The following DELE1 variants were observed in gnomAD, a reference collection of about 807,000 sequenced individuals.
DELE1 encodes DAP3 binding cell death enhancer 1.
Under a neutral mutation model 59.3 loss-of-function variants are expected in DELE1, and 54 were observed. The observed-to-expected ratio is 0.91, with a 90% CI of 0.73 to 1.14. The LOEUF is 1.14. Ranked by LOEUF, DELE1 falls within the 50% of genes most tolerant of loss-of-function variation. DELE1 has a pLI of 0.00. For missense variants in DELE1, 636 were observed against 643.9 expected (o/e 0.99, Z 0.13); for synonymous variants, 264 against 259.1 (o/e 1.02, Z -0.18).
Position 141,934,604 on chromosome 5 carries a change from A to G in DELE1, c.1149+18A>G. 6.2e-7 allele frequency: 1 copy of G among 1,609,346 alleles called. No individual in the cohort carries two copies. The highest frequency in any genetic ancestry group is 8.5e-7 in the Non-Finnish European group (1 of 1,175,628). ...ACAATGGGGTATGCGATCTCAGTGG[A>G]CAAGCATGTTGGGGATGAAGCCTGA... On this transcript the variant is annotated intron_variant, in intron 10 of 11. Transcript: ENST00000432126.
chr5:141,932,500 G>A (rs2126883461), intron 7 of DELE1, among the ~76,000 whole-genome samples: 1 of 152,332 alleles, frequency 6.6e-6, no homozygotes, highest in South Asian at 2.1e-4. Context: ...GAAAGGACAG[G>A]AATCAGGGAA....
At chr5:141,924,484 T>C (rs1165478662) in intron 1 of DELE1, 97 bp from the exon 2 acceptor site, 1 of 747,118 alleles carries the variant, frequency 1.3e-6, no homozygotes, top group East Asian at 2.5e-5. Context: ...GATAAAAGAT[T>C]CCCATGTGTA....
At chr5:141,926,886 A>G (rs984213021) in intron 3 of DELE1, among the ~76,000 whole-genome samples, 6 of 152,228 alleles carry the variant, frequency 3.9e-5, no homozygotes, top group African/African-American at 1.2e-4. Flanking sequence ...ACTACTGCTC[A>G]TATGAAAGGG....
Position 141,937,278 on chromosome 5 carries a change from A to T in DELE1, c.1230A>T (p.Arg410Ser), listed in dbSNP as rs748867151. ...GVQRNLGEALRCYQQSAALGN... is the reference protein window; with the variant it reads ...GVQRNLGEALSCYQQSAALGN... ...AGAGGAATCTGGGAGAGGCCTTGAG[A>T]TGTTACCAGCAGTCAGCCGCTCTGG... Residue 410 changes from arginine to serine, a missense_variant, in exon 11 of 12, where the codon AGA becomes AGT. Transcript: ENST00000432126. The T allele has an allele frequency of 5.9e-5, 96 of 1,614,084 alleles. 3 individuals are homozygous for T. The South Asian group carries it at 1.1e-3, about 18-fold the overall frequency.
rs1305562198 is a variant in DELE1, at chr5:141,939,463, C to T, written c.*704C>T. ...CCCACCATTCACCTCTGTTCATCCC[C>T]CGTGGGCTCATAATCGTTTTCATTT... On this transcript the variant is annotated 3_prime_UTR_variant, in exon 12 of 12. Coordinates refer to ENST00000432126, the MANE Select transcript of DELE1 (RefSeq NM_014773.5). The T allele has an allele frequency of 3.0e-6, 3 of 985,752 alleles. No individual in the cohort carries two copies. The Admixed American group carries it at 1.8e-4, about 61-fold the overall frequency. The allele number at this position is 985,752 out of a possible 1,614,324, so 61.1% of individuals were successfully genotyped here. A position where few individuals can be genotyped will look rare whatever the true frequency, so the allele number is the denominator to read the frequency against.
chr5:141,939,931 T>G lies in DELE1; in HGVS notation c.*1172T>G, dbSNP rs1032949421. On this transcript the variant is annotated 3_prime_UTR_variant, in exon 12 of 12. Coordinates refer to ENST00000432126, the MANE Select transcript of DELE1 (RefSeq NM_014773.5). ...GACTTTATGAGTCGCTGGGCCAGGG[T>G]GAGGACCTGGGCCTCCTGACTCCTG... The G allele has an allele frequency of 2.3e-6, 2 of 851,508 alleles. No homozygotes were observed. Among genetic ancestry groups the G allele is most frequent in the Non-Finnish European group, 2.8e-6 (2 of 708,230 alleles). The allele number at this position is 851,508 out of a possible 1,614,324, so 52.7% of individuals were successfully genotyped here.
rs1214670828 is a variant in DELE1 at position 141,939,148 on chromosome 5, G to A, written c.*389G>A. The A allele has an allele frequency of 8.1e-6, 8 of 990,480 alleles. No homozygotes were observed. The highest frequency in any genetic ancestry group is 5.6e-5 in the Admixed American group (1 of 17,934). The allele number at this position is 990,480 out of a possible 1,614,324, so 61.4% of individuals were successfully genotyped here. A position where few individuals can be genotyped will look rare whatever the true frequency, so the allele number is the denominator to read the frequency against. ...GTACTACTGTTTGCCAATGTCTGAT[G>A]TGTGTATCCCTGGTTCACAAGAAGA... On this transcript the variant is annotated 3_prime_UTR_variant, in exon 12 of 12. Coordinates refer to ENST00000432126, the MANE Select transcript of DELE1 (RefSeq NM_014773.5).
chr5:141,924,478 A>G, intron 1 of DELE1, 103 bp from the exon 2 acceptor site: 1 of 734,682 alleles, frequency 1.4e-6, no homozygotes, highest in Non-Finnish European at 2.5e-6. Context: ...GTAGTAGATA[A>G]AAGATTCCCA....
Position 141,933,334 on chromosome 5 carries a change from G to C in DELE1, c.830G>C (p.Ser277Thr). 6.4e-7 allele frequency: 1 copy of C among 1,566,348 alleles called. No individual in the cohort carries two copies. Among genetic ancestry groups the C allele is most frequent in the Non-Finnish European group, 8.7e-7 (1 of 1,146,350 alleles). Residue 277 changes from serine (S) to threonine (T), a missense_variant, in exon 8 of 12, where the codon AGC becomes ACC. Coordinates refer to ENST00000432126, the MANE Select transcript of DELE1 (RefSeq NM_014773.5). ...YFQKAAARGY[S>T]KAQYNAGLCH... ...CAGAAAGCTGCAGCCCGCGGCTACA[G>C]CAAAGCGCAGTACAATGCGGGCTTG... is the stretch of plus-strand genomic sequence containing the variant.
At chr5:141,928,931 T>C (rs73792053) in intron 4 of DELE1, among the ~76,000 whole-genome samples, 12,563 of 151,592 alleles carry the variant, frequency 0.083, 1,974 homozygotes, top group African/African-American at 0.29. Context: ...CATTAGTTCT[T>C]GTCCTTATTA....
Position 141,939,746 on chromosome 5 carries a change from T to A in DELE1, c.*987T>A. On this transcript the variant is annotated 3_prime_UTR_variant, in exon 12 of 12. Transcript: ENST00000432126. ...TGCCACTTGCCTGGCCATGTCACCT[T>A]GAAGCTGTGACCTGACTCCCTATAT... 1 of 954,762 alleles carries A rather than the reference T, an allele frequency of 1.0e-6. No homozygotes were observed. Among genetic ancestry groups the A allele is most frequent in the Non-Finnish European group, 1.2e-6 (1 of 801,862 alleles). The allele number at this position is 954,762 out of a possible 1,614,324, so 59.1% of individuals were successfully genotyped here. A position where few individuals can be genotyped will look rare whatever the true frequency, so the allele number is the denominator to read the frequency against.
At position 141,933,309 on chromosome 5, in the gene DELE1, C is replaced by T; in HGVS notation, c.805C>T (p.Gln269Ter). The change falls in exon 8 of 12, where the codon CAG becomes TAG. Residue 269 changes from glutamine (Q) to a stop codon, truncating the protein, a stop_gained. Transcript: ENST00000432126. LOFTEE classifies it high-confidence loss of function. ...GDHTAAFSYF[Q>*]KAAARGYSKA... is the part of the protein sequence containing the mutation. Reference sequence around the variant, plus strand: ...CCACACGGCAGCCTTTTCTTACTTCCAGAAAGCTGCAGCCCGCGGCTACAG... The same window carrying T: ...CCACACGGCAGCCTTTTCTTACTTCTAGAAAGCTGCAGCCCGCGGCTACAG... 1.3e-6 allele frequency: 2 copies of T among 1,569,448 alleles called. No individual in the cohort carries two copies. The highest frequency in any genetic ancestry group is 1.7e-6 in the Non-Finnish European group (2 of 1,148,062).
At chr5:141,924,724 T>C in intron 2 of DELE1, 29 bp downstream of exon 2, 1 of 1,366,914 alleles carries the variant, frequency 7.3e-7, no homozygotes, top group Admixed American at 1.7e-5. Flanking sequence ...ACCACTCATT[T>C]CCTCCCCTAG....
intron 11 of DELE1, among the ~76,000 whole-genome samples, 179 bp downstream of exon 11, chr5:141,937,536 C>T (rs905346100): frequency 2.0e-5 from 3 of 151,754 alleles, no homozygotes; most frequent in African/African-American, 7.3e-5. Context: ...TTTGGGAGGC[C>T]GAGACTGGCA....
Position 141,941,274 on chromosome 5 carries a change from A to G in DELE1, c.*2515A>G. 1.0e-6 allele frequency: 1 copy of G among 985,524 alleles called. No homozygotes were observed. Among genetic ancestry groups the G allele is most frequent in the South Asian group, 4.7e-5 (1 of 21,294 alleles). The allele number at this position is 985,524 out of a possible 1,614,324, so 61.0% of individuals were successfully genotyped here. ...CCCTGAGTGGCTCTCCCTCCCACTC[A>G]GTCACTACTGAGCTAAGTACTGATT... is the stretch of plus-strand genomic sequence containing the variant. On this transcript the variant is annotated 3_prime_UTR_variant, in exon 12 of 12. Transcript: ENST00000432126.
At chr5:141,926,167 C>G (rs910945341) in intron 3 of DELE1, among the ~76,000 whole-genome samples, 1 of 152,144 alleles carries the variant, frequency 6.6e-6, no homozygotes, top group Non-Finnish European at 1.5e-5. Flanking sequence ...TGTGAGCCAC[C>G]GCGCCCGGCC....
At chr5:141,936,406 G>A (rs1249828581) in intron 10 of DELE1, among the ~76,000 whole-genome samples, 1 of 152,122 alleles carries the variant, frequency 6.6e-6, no homozygotes, top group African/African-American at 2.4e-5. Flanking sequence ...ATCCAGAGCT[G>A]GGGCAAAGAG....
At position 141,940,012 on chromosome 5, in the gene DELE1, C is replaced by A. The variant is rs1364621196; in HGVS notation, c.*1253C>A. 1.2e-5 allele frequency: 12 copies of A among 985,260 alleles called. No individual in the cohort carries two copies. The highest frequency in any genetic ancestry group is 1.4e-5 in the Non-Finnish European group (12 of 829,856). The allele number at this position is 985,260 out of a possible 1,614,324, so 61.0% of individuals were successfully genotyped here. Reference sequence around the variant, plus strand: ...GCAATTTTATGTGAAAGCATTATGACTGTCCTACCCATGGGAGAGTAAATG... The same window carrying A: ...GCAATTTTATGTGAAAGCATTATGAATGTCCTACCCATGGGAGAGTAAATG... On this transcript the variant is annotated 3_prime_UTR_variant, in exon 12 of 12. Transcript: ENST00000432126.
In DELE1 at chr5:141,939,291, A is replaced by T; in HGVS notation, c.*532A>T. The T allele has an allele frequency of 1.5e-6, 1 of 656,722 alleles. No homozygotes were observed. Among genetic ancestry groups the T allele is most frequent in the Non-Finnish European group, 1.9e-6 (1 of 531,348 alleles). 40.7% of individuals were successfully genotyped at this position (656,722 alleles called of 1,614,324 possible). A position where few individuals can be genotyped will look rare whatever the true frequency, so the allele number is the denominator to read the frequency against. On this transcript the variant is annotated 3_prime_UTR_variant, in exon 12 of 12. Coordinates refer to ENST00000432126, the MANE Select transcript of DELE1 (RefSeq NM_014773.5). ...TAGATGTTCTGTCTAGGATAAAGCT[A>T]ACTGTAAAAAAAAATAGTGAATCAG...
Sources: allele counts gnomAD v4.1 joint callset (sites outside exome capture counted in the v4.1 genomes callset), GRCh38; gene constraint gnomAD v4.1.1; transcripts MANE v1.5; gene names NCBI Gene and HGNC (gene_info 2026-07-23, HGNC 2026-07-21).